Variants in DOCK4 observed in about 807,000 individuals in gnomAD.
DOCK4 encodes dedicator of cytokinesis 4, also known as dedicator of cytokinesis protein 4.
Under a neutral mutation model 268.1 loss-of-function variants are expected in DOCK4, and 97 were observed. The observed-to-expected ratio is 0.36, with a 90% CI of 0.31 to 0.43. DOCK4 has a LOEUF of 0.43. Among genes scored for constraint, DOCK4 ranks in the 20% least tolerant of loss-of-function variants. The pLI is 1.00. For synonymous variants in DOCK4, 954 were observed against 887.2 expected, an observed-to-expected ratio of 1.08 and a Z score of -1.34; for missense variants, 2,145 against 2,455.7, an observed-to-expected ratio of 0.87 and a Z score of 2.67.
At chr7:111,788,620 T>TC (rs1396417538) in intron 32 of DOCK4, 42 bp downstream of exon 32, 4 of 1,514,208 alleles carry the variant, frequency 2.6e-6, no homozygotes, top group African/African-American at 2.8e-5. Flanking sequence ...TGACACCAAA[T>TC]CCCCCAGAAT....
chr7:111,782,046 T>G (rs1226912344), intron 35 of DOCK4, among the ~76,000 whole-genome samples: 1 of 152,210 alleles, frequency 6.6e-6, no homozygotes, highest in East Asian at 1.9e-4. Context: ...AGAACTAGAC[T>G]TTTCTTGTAT....
intron 10 of DOCK4, among the ~76,000 whole-genome samples, chr7:111,942,713 T>C (rs1445366949): frequency 6.6e-6 from 1 of 152,112 alleles, no homozygotes; most frequent in Non-Finnish European, 1.5e-5. Flanking sequence ...ACCCCGCCAC[T>C]CTGGCTTATA....
chr7:111,738,169 G>T (rs1040405595), intron 49 of DOCK4, among the ~76,000 whole-genome samples: 1 of 152,180 alleles, frequency 6.6e-6, no homozygotes, highest in Non-Finnish European at 1.5e-5. Context: ...CAAGGCTCCT[G>T]AAGTGCCCAA....
chr7:112,063,753 C>A (rs1324478865), intron 1 of DOCK4, among the ~76,000 whole-genome samples: 1 of 152,106 alleles, frequency 6.6e-6, no homozygotes, highest in African/African-American at 2.4e-5. Context: ...CTTATTTGTA[C>A]CCCTCAAAGA....
chr7:112,068,871 C>T (rs1045396879), intron 1 of DOCK4, among the ~76,000 whole-genome samples: 2 of 152,058 alleles, frequency 1.3e-5, no homozygotes, highest in African/African-American at 2.4e-5. Context: ...TCCCCAAGTG[C>T]CTCACCAGAG....
intron 1 of DOCK4, among the ~76,000 whole-genome samples, chr7:112,064,714 C>T (rs1806762660): frequency 6.6e-6 from 1 of 152,206 alleles, no homozygotes; most frequent in African/African-American, 2.4e-5. Context: ...AAATCCTAAC[C>T]TCAATACCTC....
chr7:112,180,091 A>G (rs1172328598), intron 1 of DOCK4, among the ~76,000 whole-genome samples: 1 of 145,132 alleles, frequency 6.9e-6, no homozygotes, highest in Non-Finnish European at 1.5e-5. Flanking sequence ...TAATAGCTTC[A>G]AAGTCAACTA....
intron 42 of DOCK4, among the ~76,000 whole-genome samples, chr7:111,752,272 G>C (rs1222297473): frequency 6.6e-6 from 1 of 152,034 alleles, no homozygotes; most frequent in East Asian, 1.9e-4. Context: ...ATTTTTGTAT[G>C]CTATAACTTA....
At chr7:112,091,980 C>T (rs999788070) in intron 1 of DOCK4, among the ~76,000 whole-genome samples, 2 of 152,202 alleles carry the variant, frequency 1.3e-5, no homozygotes, top group South Asian at 2.1e-4. Flanking sequence ...AGGTGTGATG[C>T]TCTCACTATC....
chr7:112,082,178 A>T (rs559416945), intron 1 of DOCK4, among the ~76,000 whole-genome samples: 1 of 152,300 alleles, frequency 6.6e-6, no homozygotes, highest in South Asian at 2.1e-4. Flanking sequence ...ATTGAACCTG[A>T]AAAACTTTTT....
intron 1 of DOCK4, among the ~76,000 whole-genome samples, chr7:112,171,570 T>C (rs1234090091): frequency 1.3e-5 from 2 of 152,162 alleles, no homozygotes; most frequent in Non-Finnish European, 2.9e-5. Flanking sequence ...TAATGGAACA[T>C]GGTGAACCAA....
intron 1 of DOCK4, among the ~76,000 whole-genome samples, chr7:112,146,081 A>G (rs1815462761): frequency 6.6e-6 from 1 of 152,210 alleles, no homozygotes; most frequent in South Asian, 2.1e-4. Flanking sequence ...CTAAAATCAC[A>G]ACATGGCAGT....
At chr7:112,001,474 C>T (rs548728966) in intron 2 of DOCK4, among the ~76,000 whole-genome samples, 2 of 152,208 alleles carry the variant, frequency 1.3e-5, no homozygotes, top group African/African-American at 4.8e-5. Context: ...GTTTTAAAGT[C>T]CTTGTGTTCA....
intron 12 of DOCK4, among the ~76,000 whole-genome samples, chr7:111,931,638 T>C (rs541665871): frequency 6.6e-6 from 1 of 152,324 alleles, no homozygotes; most frequent in Admixed American, 6.5e-5. Context: ...GTCGGTTCAA[T>C]GATCCAACAT....
At chr7:111,950,764 C>T (rs1040444531) in intron 8 of DOCK4, among the ~76,000 whole-genome samples, 1 of 152,192 alleles carries the variant, frequency 6.6e-6, no homozygotes, top group African/African-American at 2.4e-5. Flanking sequence ...ATATTAACTT[C>T]GTGGCACCCC....
chr7:111,747,631 A>G (rs1796362418), intron 42 of DOCK4, among the ~76,000 whole-genome samples, 188 bp from the exon 43 acceptor site: 1 of 152,214 alleles, frequency 6.6e-6, no homozygotes, highest in African/African-American at 2.4e-5. Context: ...CAAGGTTTGG[A>G]AAGGGCAGGT....
At chr7:111,880,975 C>T (rs1437969906) in intron 16 of DOCK4, among the ~76,000 whole-genome samples, 1 of 152,174 alleles carries the variant, frequency 6.6e-6, no homozygotes, top group Non-Finnish European at 1.5e-5. Context: ...TATGAAACTA[C>T]TGTAAGAAAA....
At chr7:111,841,498 A>G (rs529626618) in intron 25 of DOCK4, among the ~76,000 whole-genome samples, 2 of 152,154 alleles carry the variant, frequency 1.3e-5, no homozygotes, top group African/African-American at 4.8e-5. Context: ...GCTTAGAGAC[A>G]TTAGTAACTT....
chr7:111,818,909 G>A (rs1253949545), intron 27 of DOCK4, among the ~76,000 whole-genome samples: 1 of 152,172 alleles, frequency 6.6e-6, no homozygotes, highest in Admixed American at 6.5e-5. Flanking sequence ...TCCTATTCTA[G>A]TCCAGAACAA....
Sources: gnomAD v4.1 joint callset for allele counts (sites outside exome capture counted in the v4.1 genomes callset) on GRCh38, gnomAD v4.1.1 for gene constraint, MANE v1.5 for transcripts, NCBI Gene and HGNC (gene_info 2026-07-23, HGNC 2026-07-21) for gene names.